NHLRC2: variants seen among roughly 807,000 people sequenced by gnomAD.
NHLRC2 encodes the protein NHL repeat-containing protein 2.
A neutral mutation model predicts 68.1 loss-of-function variants in NHLRC2; 33 were observed. The ratio of observed to expected loss-of-function variants is 0.48; its 90% CI spans 0.37 to 0.65. The LOEUF is 0.65. Ranked by LOEUF, NHLRC2 falls within the 30% of genes least tolerant of loss-of-function variation. The probability of loss-of-function intolerance (pLI) is 0.00; values close to 1 mark genes in which losing one functional copy is unlikely to be tolerated. For synonymous variants in NHLRC2, 311 were observed against 309.6 expected, an observed-to-expected ratio of 1.00 and a Z score of -0.05; for missense variants, 761 against 853.8, an observed-to-expected ratio of 0.89 and a Z score of 1.35.
In NHLRC2 at chr10:113,903,679, A is replaced by T; in HGVS notation, c.1647A>T (p.Ala549=). 1 of 1,602,062 alleles carries T rather than the reference A, an allele frequency of 6.2e-7. No individual in the cohort carries two copies. The highest frequency in any genetic ancestry group is 8.6e-7 in the Non-Finnish European group (1 of 1,169,102). ...IGENGELLYV[A]DTNNHQIKVM... ...AGAATGGAGAATTATTATATGTAGC[A>T]GACACCAATAATCATCAAATTAAAG... The change falls in exon 9 of 11, where the codon GCA becomes GCT. Residue 549 remains alanine (A), a synonymous_variant. Transcript: ENST00000369301.
intron 4 of NHLRC2, among the ~76,000 whole-genome samples, chr10:113,883,590 A>G (rs543040104): frequency 2.0e-5 from 3 of 151,980 alleles, no homozygotes; most frequent in African/African-American, 7.2e-5. Context: ...ATTGTTGGGG[A>G]GAGGGTCTCA....
chr10:113,876,447 A>G, intron 2 of NHLRC2, 74 bp from the exon 3 acceptor site: 1 of 848,740 alleles, frequency 1.2e-6, no homozygotes, highest in Non-Finnish European at 1.8e-6. Flanking sequence ...TTGTGATCCA[A>G]AACCTAATGT....
chr10:113,906,335 G>A (rs954377073), intron 10 of NHLRC2, among the ~76,000 whole-genome samples: 1 of 151,750 alleles, frequency 6.6e-6, no homozygotes, highest in African/African-American at 2.4e-5. Flanking sequence ...CCAAGATATG[G>A]GCCCCATTTT....
rs146714978 is a variant in NHLRC2 at position 113,865,454 on chromosome 10, C to T, written c.331+6774C>T. On this transcript the variant is annotated intron_variant, in intron 2 of 10. Coordinates refer to ENST00000369301, the MANE Select transcript of NHLRC2 (RefSeq NM_198514.4). ...GGAATATATTTCTTTTTTAGATTACCGTAGAACTTTTTCTTTAATTTGCCA... is the reference window on the plus strand; with the variant it reads ...GGAATATATTTCTTTTTTAGATTACTGTAGAACTTTTTCTTTAATTTGCCA... 2.5e-3 allele frequency among the ~76,000 whole-genome samples: 373 copies of T among 151,696 alleles called. 3 individuals carry two copies. Among genetic ancestry groups the T allele is most frequent in the African/African-American group, 8.7e-3 (359 of 41,352 alleles).
At chr10:113,882,365 A>G (rs1357330757) in intron 4 of NHLRC2, among the ~76,000 whole-genome samples, 1 of 151,610 alleles carries the variant, frequency 6.6e-6, no homozygotes, top group Non-Finnish European at 1.5e-5. Flanking sequence ...GTCACTTGTT[A>G]TTTTTCATTT....
At chr10:113,855,793 C>T (rs1385406824) in intron 1 of NHLRC2, among the ~76,000 whole-genome samples, 1 of 152,218 alleles carries the variant, frequency 6.6e-6, no homozygotes, top group Non-Finnish European at 1.5e-5. Flanking sequence ...GCCACCGCGC[C>T]CGGCCTGCCA....
chr10:113,879,907 T>A (rs1846021803), intron 4 of NHLRC2, among the ~76,000 whole-genome samples: 1 of 152,052 alleles, frequency 6.6e-6, no homozygotes, highest in East Asian at 1.9e-4. Flanking sequence ...CCCATTCAGT[T>A]CTTTTTTTAA....
chr10:113,905,897 G>C (rs1846271254), intron 10 of NHLRC2, among the ~76,000 whole-genome samples: 1 of 152,120 alleles, frequency 6.6e-6, no homozygotes, highest in Non-Finnish European at 1.5e-5. Context: ...TTAGTGTTTG[G>C]GAGGCTGGTT....
Position 113,908,345 on chromosome 10 carries a change from A to G in NHLRC2, c.1990A>G (p.Thr664Ala). 1 of 1,613,884 alleles carries G rather than the reference A, an allele frequency of 6.2e-7. No homozygotes were observed. The highest frequency in any genetic ancestry group is 2.2e-5 in the East Asian group (1 of 44,886). ...TATAGAGAACATTTCCAGTCAACCA[A>G]CAATTTCACTACAAATTCCTGATGA... The part of the protein sequence containing the change: ...GDIENISSQP[T>A]ISLQIPDDCL... Residue 664 changes from threonine to alanine, a missense_variant, in exon 11 of 11, where the codon ACA (threonine) becomes GCA (alanine). Coordinates refer to ENST00000369301, the MANE Select transcript of NHLRC2 (RefSeq NM_198514.4).
chr10:113,886,898 A>G (rs1846087914), intron 5 of NHLRC2, among the ~76,000 whole-genome samples: 1 of 152,204 alleles, frequency 6.6e-6, no homozygotes, highest in Non-Finnish European at 1.5e-5. Context: ...AAAAAGCTCT[A>G]TACAGCAAAG....
chr10:113,862,220 T>G (rs556183803), intron 2 of NHLRC2, among the ~76,000 whole-genome samples: 1 of 152,018 alleles, frequency 6.6e-6, no homozygotes, highest in Non-Finnish European at 1.5e-5. Flanking sequence ...TTAAAGTAAT[T>G]ATTAGTTTAT....
At chr10:113,875,275 A>C (rs1255776186) in intron 2 of NHLRC2, among the ~76,000 whole-genome samples, 1 of 152,054 alleles carries the variant, frequency 6.6e-6, no homozygotes, top group Non-Finnish European at 1.5e-5. Flanking sequence ...CTCCTTCTGT[A>C]AACCCAGTTA....
chr10:113,869,234 A>G (rs1477700477), intron 2 of NHLRC2, among the ~76,000 whole-genome samples: 1 of 152,198 alleles, frequency 6.6e-6, no homozygotes, highest in Non-Finnish European at 1.5e-5. Context: ...ATGGATGATG[A>G]GAGTGGGCTG....
rs1399717215 is a variant in NHLRC2 at position 113,877,920 on chromosome 10, C to T, written c.787+944C>T. Among the ~76,000 whole-genome samples the T allele has an allele frequency of 2.0e-5, 3 of 152,036 alleles. No individual in the cohort carries two copies. The East Asian group carries it at 5.8e-4, about 29-fold the overall frequency. ...GGCAGTTACGAGAATTGAATTGTTA[C>T]TCAAAAAGTGTCTTTTGTAGCAGTT... On this transcript the variant is annotated intron_variant, in intron 3 of 10. Coordinates refer to ENST00000369301, the MANE Select transcript of NHLRC2 (RefSeq NM_198514.4).
rs779931478 is a variant in NHLRC2, at chr10:113,876,646, C to A, written c.457C>A (p.Leu153Ile). 1.2e-6 allele frequency: 2 copies of A among 1,613,902 alleles called. No individual in the cohort carries two copies. Among genetic ancestry groups the A allele is most frequent in the South Asian group, 1.1e-5 (1 of 91,074 alleles). ...TATGGTTAATGATGCAGATGCCAGC[C>A]TTTGGCAAGAACTAGAAGTTTCCTG... ...HPMVNDADAS[L>I]WQELEVSCWP... Residue 153 changes from leucine (L) to isoleucine (I), a missense_variant, in exon 3 of 11, where the codon CTT (leucine) becomes ATT (isoleucine). Physicochemically the swap from Leu to Ile is conservative, Grantham distance 5. Transcript: ENST00000369301.
At chr10:113,886,387 A>G (rs545579960) in intron 5 of NHLRC2, among the ~76,000 whole-genome samples, 15 of 152,292 alleles carry the variant, frequency 9.8e-5, no homozygotes, top group African/African-American at 3.1e-4. Context: ...GAAAAAAACT[A>G]TCTTAAAATG....
At chr10:113,861,884 T>G (rs560118612) in intron 2 of NHLRC2, among the ~76,000 whole-genome samples, 1 of 152,302 alleles carries the variant, frequency 6.6e-6, no homozygotes, top group African/African-American at 2.4e-5. Flanking sequence ...TCTATGTATT[T>G]TTTTTTTGAG....
Position 113,857,015 on chromosome 10 carries a change from A to G in NHLRC2, c.179-1513A>G, listed in dbSNP as rs894266401. Among the ~76,000 whole-genome samples, 5 of 152,292 alleles carry G rather than the reference A, an allele frequency of 3.3e-5. No homozygotes were observed. In the East Asian group the frequency reaches 9.6e-4, roughly 29 times the overall value. ...TTGACCTCAAAGCCTTATATTTCTCACTTGCAAAACTGAACTATTATTTAC... is the reference window on the plus strand; with the variant it reads ...TTGACCTCAAAGCCTTATATTTCTCGCTTGCAAAACTGAACTATTATTTAC... On this transcript the variant is annotated intron_variant, in intron 1 of 10. Transcript: ENST00000369301.
chr10:113,873,210 G>T (rs1434763432), intron 2 of NHLRC2, among the ~76,000 whole-genome samples: 1 of 152,108 alleles, frequency 6.6e-6, no homozygotes, highest in African/African-American at 2.4e-5. Flanking sequence ...CAAGGTTAAA[G>T]AAAAACAGTT....
Sources: allele counts gnomAD v4.1 joint callset (sites outside exome capture counted in the v4.1 genomes callset), GRCh38; gene constraint gnomAD v4.1.1; transcripts MANE v1.5; gene names NCBI Gene and HGNC (gene_info 2026-07-23, HGNC 2026-07-21).